Variants in PTPRM observed in about 807,000 individuals in gnomAD.
PTPRM encodes the protein receptor-type tyrosine-protein phosphatase mu.
PTPRM carries 47 observed loss-of-function variants against 186.7 expected under a neutral mutation model. That is an observed-to-expected ratio of 0.25 (90% CI 0.20 to 0.32). The LOEUF (loss-of-function observed/expected upper bound fraction) is 0.32. Ranked by LOEUF, PTPRM falls within the 10% of genes least tolerant of loss-of-function variation. The pLI is 1.00. For missense variants in PTPRM, 1,494 were observed against 1,865.0 expected, an observed-to-expected ratio of 0.80 and a Z score of 3.66; for synonymous variants, 668 against 674.9, an observed-to-expected ratio of 0.99 and a Z score of 0.16.
At chr18:7,990,514 T>C (rs1223247723) in intron 7 of PTPRM, among the ~76,000 whole-genome samples, 6 of 152,234 alleles carry the variant, frequency 3.9e-5, no homozygotes, top group Admixed American at 1.3e-4. Flanking sequence ...ATTAAAAATA[T>C]GAATATAAAA....
intron 1 of PTPRM, among the ~76,000 whole-genome samples, chr18:7,704,265 A>G (rs981986775): frequency 1.3e-5 from 2 of 151,986 alleles, no homozygotes; most frequent in African/African-American, 4.8e-5. Context: ...TCCTCTTTGT[A>G]CTTTTGGTAG....
chr18:8,276,547 G>A (rs1383759979), intron 19 of PTPRM, among the ~76,000 whole-genome samples: 1 of 152,120 alleles, frequency 6.6e-6, no homozygotes, highest in Non-Finnish European at 1.5e-5. Context: ...CATCAACTGT[G>A]GGCTGGGCAC....
chr18:7,882,697 TC>T (rs2048571029), intron 2 of PTPRM, among the ~76,000 whole-genome samples: 1 of 152,240 alleles, frequency 6.6e-6, no homozygotes, highest in African/African-American at 2.4e-5. Context: ...AACTCTTTCT[TC>T]CTGCTGGATA....
At chr18:8,260,102 G>A (rs2094613249) in intron 19 of PTPRM, among the ~76,000 whole-genome samples, 1 of 152,172 alleles carries the variant, frequency 6.6e-6, no homozygotes, top group South Asian at 2.1e-4. Flanking sequence ...CTTCTGGTGA[G>A]GGCCATGTGC....
chr18:7,754,887 CTAGT>C (rs1267559275), intron 1 of PTPRM: 1 of 152,124 alleles, frequency 6.6e-6, no homozygotes, highest in Non-Finnish European at 1.5e-5. Flanking sequence ...GAACTTTGAA[CTAGT>C]TAGAGATTAT....
chr18:8,299,588 C>A (rs1235552807), intron 20 of PTPRM, among the ~76,000 whole-genome samples: 13 of 147,898 alleles, frequency 8.8e-5, no homozygotes, highest in South Asian at 2.2e-4. Flanking sequence ...CCAGAGGTCT[C>A]AAAAAAACAA....
chr18:7,926,766 A>T, intron 5 of PTPRM, 83 bp downstream of exon 5: 1 of 929,518 alleles, frequency 1.1e-6, no homozygotes. Context: ...AGAGAAACAG[A>T]CTCAGGTCCT....
At chr18:8,196,367 A>C (rs2093777945) in intron 14 of PTPRM, among the ~76,000 whole-genome samples, 1 of 152,190 alleles carries the variant, frequency 6.6e-6, no homozygotes, top group Non-Finnish European at 1.5e-5. Flanking sequence ...CCTTAGTGCT[A>C]TTACTGTTAG....
At chr18:7,932,051 T>C (rs1254340999) in intron 5 of PTPRM, among the ~76,000 whole-genome samples, 1 of 152,210 alleles carries the variant, frequency 6.6e-6, no homozygotes, top group Non-Finnish European at 1.5e-5. Flanking sequence ...TTGTAATCGT[T>C]GTAGAGGTTC....
At chr18:8,240,777 G>GGGGAGAGAGAGAGAGAGA (rs2094420000) in intron 14 of PTPRM, among the ~76,000 whole-genome samples, 1 of 57,302 alleles carries the variant, frequency 1.7e-5, no homozygotes, top group South Asian at 8.0e-4. Flanking sequence ...AGAGAGAGAG[G>GGGGAGAGAGAGAGAGAGA]GAGAGAGAGA....
chr18:8,375,737 A>G (rs2095690451), intron 24 of PTPRM, among the ~76,000 whole-genome samples: 1 of 152,186 alleles, frequency 6.6e-6, no homozygotes, highest in Non-Finnish European at 1.5e-5. Flanking sequence ...CAAACCTTTA[A>G]CATAGTCTAC....
intron 23 of PTPRM, among the ~76,000 whole-genome samples, chr18:8,352,216 A>G (rs2095538067): frequency 6.6e-6 from 1 of 152,264 alleles, no homozygotes; most frequent in South Asian, 2.1e-4. Flanking sequence ...AAAGGGACTC[A>G]TTCTGCCTGT....
chr18:8,280,125 A>T (rs1351869276), intron 19 of PTPRM, among the ~76,000 whole-genome samples: 4 of 152,076 alleles, frequency 2.6e-5, no homozygotes, highest in Non-Finnish European at 5.9e-5. Flanking sequence ...TTACTTTCTC[A>T]CAGTCTGGAG....
In PTPRM at chr18:7,567,684, C is replaced by T; in HGVS notation, c.-135C>T. The T allele has an allele frequency of 2.6e-6, 2 of 772,698 alleles. No homozygotes were observed. The highest frequency in any genetic ancestry group is 3.8e-6 in the Non-Finnish European group (2 of 528,098). 47.9% of individuals were successfully genotyped at this position (772,698 alleles called of 1,614,324 possible). Reference sequence around the variant, plus strand: ...GTTCGGACTTCTGCAACTGTTGGCACTTTGGGGGCTTGGCTTAGCGCTCTG... The same window carrying T: ...GTTCGGACTTCTGCAACTGTTGGCATTTTGGGGGCTTGGCTTAGCGCTCTG... On this transcript the variant is annotated 5_prime_UTR_variant, in exon 1 of 33. Transcript: ENST00000580170. The surrounding 1 kb of genome is among the most constrained non-coding windows in gnomAD (Gnocchi z 4.3).
chr18:7,904,004 A>T lies in PTPRM; in HGVS notation c.469-2501A>T, dbSNP rs538205174. ...TTGCATTTATGGACAATTACTTTGT[A>T]TCTAAAGATTTCATTTTTTTTGAAA... is the stretch of plus-strand genomic sequence containing the variant. On this transcript the variant is annotated intron_variant, in intron 3 of 32. Transcript: ENST00000580170. Among the ~76,000 whole-genome samples, 185 of 152,344 alleles carry T rather than the reference A, an allele frequency of 1.2e-3. 1 individual carries two copies. The highest frequency in any genetic ancestry group is 4.3e-3 in the African/African-American group (177 of 41,584).
chr18:8,129,926 C>T (rs1431315683), intron 13 of PTPRM, among the ~76,000 whole-genome samples: 3 of 152,162 alleles, frequency 2.0e-5, no homozygotes, highest in African/African-American at 7.2e-5. Context: ...AGAAAAAGCA[C>T]AGTCCTTAGA....
intron 1 of PTPRM, among the ~76,000 whole-genome samples, chr18:7,657,982 T>C (rs1473512944): frequency 6.6e-6 from 1 of 152,180 alleles, no homozygotes; most frequent in Non-Finnish European, 1.5e-5. Flanking sequence ...CATATATACA[T>C]TGTGAAATGA....
intron 2 of PTPRM, among the ~76,000 whole-genome samples, chr18:7,856,973 T>G (rs546590705): frequency 3.9e-4 from 59 of 152,332 alleles, no homozygotes; most frequent in Non-Finnish European, 6.0e-4. Flanking sequence ...TTGCCCTCGC[T>G]CCTGAAACTA....
At chr18:8,228,703 A>G (rs2094246506) in intron 14 of PTPRM, among the ~76,000 whole-genome samples, 1 of 150,302 alleles carries the variant, frequency 6.7e-6, no homozygotes, top group African/African-American at 2.5e-5. Context: ...AAATACAAAA[A>G]TTAGCCAGGT....
Sources: allele counts gnomAD v4.1 joint callset (sites outside exome capture counted in the v4.1 genomes callset), GRCh38; gene constraint gnomAD v4.1.1; non-coding constraint Gnocchi (gnomAD v3.1); transcripts MANE v1.5; gene names NCBI Gene and HGNC (gene_info 2026-07-23, HGNC 2026-07-21).